Variants in ZBBX observed in about 807,000 individuals in gnomAD.
ZBBX encodes the protein zinc finger B-box domain containing.
In ZBBX, 101 loss-of-function variants were observed where a neutral mutation model predicts 108.5. That is an observed-to-expected ratio of 0.93 (90% CI 0.79 to 1.10). ZBBX has a LOEUF of 1.10. Among genes scored for constraint, ZBBX ranks in the 50% least tolerant of loss-of-function variants. The pLI, the probability that ZBBX is intolerant of heterozygous loss-of-function variation, is 0.00. For synonymous variants in ZBBX, 356 were observed against 323.4 expected (o/e 1.10, Z -1.08); for missense variants, 1,009 against 941.4 (o/e 1.07, Z -0.94).
chr3:167,385,918 A>G (rs763526921), intron 1 of ZBBX, among the ~76,000 whole-genome samples: 18 of 152,092 alleles, frequency 1.2e-4, no homozygotes, highest in Non-Finnish European at 2.2e-4. Context: ...ATGGTGGACA[A>G]CAATAATCTG....
chr3:167,389,805 C>A (rs1452002773), intron 1 of ZBBX, among the ~76,000 whole-genome samples: 1 of 136,142 alleles, frequency 7.3e-6, no homozygotes, highest in Non-Finnish European at 1.6e-5. Context: ...TATCCTTCAC[C>A]CACTTTTTGA....
intron 1 of ZBBX, among the ~76,000 whole-genome samples, chr3:167,395,053 A>G (rs1748187125): frequency 6.6e-6 from 1 of 151,988 alleles, no homozygotes; most frequent in African/African-American, 2.4e-5. Context: ...ACTCTAATAC[A>G]CTTATCCTCT....
Position 167,364,321 on chromosome 3 carries a change from A to G in ZBBX, c.273+1565T>C, listed in dbSNP as rs145764212. Among the ~76,000 whole-genome samples the G allele has an allele frequency of 4.6e-3, 704 of 152,170 alleles. 3 individuals are homozygous for G. The highest frequency in any genetic ancestry group is 0.02 in the Middle Eastern group (6 of 294). On this transcript the variant is annotated intron_variant, in intron 6 of 21. Coordinates refer to ENST00000675490, the MANE Select transcript of ZBBX (RefSeq NM_001199201.2). The stretch of plus-strand genomic sequence containing the variant: ...GCCCCCTTCAGAAACACTAGTCTAA[A>G]TAGATACTCAAAACTTTTTTCACTA...
the ZBBX span, among the ~76,000 whole-genome samples, chr3:167,214,430 C>T: frequency 1.3e-5 from 2 of 152,126 alleles, no homozygotes; most frequent in Admixed American, 6.6e-5. Context: ...CTCAATTCAA[C>T]AAGACCTAAC....
At chr3:167,243,744 T>C (rs1393229497) in intron 20 of ZBBX, among the ~76,000 whole-genome samples, 2 of 132,664 alleles carry the variant, frequency 1.5e-5, no homozygotes, top group Non-Finnish European at 3.1e-5. Flanking sequence ...TACAGTGGAC[T>C]TGACTTTTTT....
intron 20 of ZBBX, among the ~76,000 whole-genome samples, chr3:167,256,902 T>A (rs574779836): frequency 8.5e-5 from 13 of 152,256 alleles, no homozygotes; most frequent in African/African-American, 3.1e-4. Flanking sequence ...CTTCTGAATC[T>A]TAGCTATTGT....
At position 167,305,628 on chromosome 3, in the gene ZBBX, A is replaced by G; in HGVS notation, c.1725+15T>C. On this transcript the variant is annotated intron_variant, in intron 17 of 21. Coordinates refer to ENST00000675490, the MANE Select transcript of ZBBX (RefSeq NM_001199201.2). ...CTTATAAAATTTTAATATAATAAACATAATAGAGATTTACCAGTGATGACT... is the reference window on the plus strand; with the variant it reads ...CTTATAAAATTTTAATATAATAAACGTAATAGAGATTTACCAGTGATGACT... 6.6e-7 allele frequency: 1 copy of G among 1,505,534 alleles called. No individual in the cohort carries two copies. The highest frequency in any genetic ancestry group is 8.9e-7 in the Non-Finnish European group (1 of 1,129,698). 93.3% of individuals were successfully genotyped at this position (1,505,534 alleles called of 1,614,324 possible).
At chr3:167,283,740 G>A (rs1449297039) in intron 19 of ZBBX, among the ~76,000 whole-genome samples, 2 of 152,076 alleles carry the variant, frequency 1.3e-5, no homozygotes, top group Non-Finnish European at 2.9e-5. Context: ...TTGCCTCCCA[G>A]GTTCAAGCGA....
At chr3:167,307,915 A>G (rs1733941166) in intron 16 of ZBBX, among the ~76,000 whole-genome samples, 1 of 152,186 alleles carries the variant, frequency 6.6e-6, no homozygotes, top group African/African-American at 2.4e-5. Context: ...CAAAGATTTC[A>G]TGACAAAGAT....
chr3:167,178,651 T>C, the ZBBX span, among the ~76,000 whole-genome samples: 1 of 152,118 alleles, frequency 6.6e-6, no homozygotes. Context: ...GCTGATAAGG[T>C]CCTGGAGAAA....
At chr3:167,211,205 A>C in the ZBBX span, among the ~76,000 whole-genome samples, 1 of 152,202 alleles carries the variant, frequency 6.6e-6, no homozygotes, top group Non-Finnish European at 1.5e-5. Context: ...GAGTGCCTCC[A>C]GGAAACCACA....
chr3:167,390,229 C>T lies in ZBBX; in HGVS notation c.-445-9824G>A, dbSNP rs1748046334. Among the ~76,000 whole-genome samples the T allele has an allele frequency of 2.6e-5, 4 of 152,016 alleles. No individual in the cohort carries two copies. In the South Asian group the frequency reaches 8.3e-4, roughly 32 times the overall value. The stretch of plus-strand genomic sequence containing the variant: ...CATTTATTAAATAGGGAATTATTTC[C>T]CCATTGCTTGTTCTTGTCAGGTTTG... On this transcript the variant is annotated intron_variant, in intron 1 of 21. Transcript: ENST00000455345.
the ZBBX span, among the ~76,000 whole-genome samples, chr3:167,198,567 A>G: frequency 2.0e-4 from 30 of 152,184 alleles, no homozygotes; most frequent in Non-Finnish European, 3.8e-4. Context: ...TTTAAGCCAT[A>G]TAATAGTGAT....
rs13073265 is a variant in ZBBX at position 167,379,633 on chromosome 3, C to T, written c.-132+5G>A. ...ATAAAATATATATAACTGAACCTTACATACCTGAGTCCCTCTACTGCTGAT... is the reference window on the plus strand; with the variant it reads ...ATAAAATATATATAACTGAACCTTATATACCTGAGTCCCTCTACTGCTGAT... On this transcript the variant is annotated splice_donor_5th_base_variant and intron_variant, in intron 2 of 21. Coordinates refer to ENST00000675490, the MANE Select transcript of ZBBX (RefSeq NM_001199201.2). 0.1 allele frequency: 15,464 copies of T among 152,176 alleles called. 790 individuals are homozygous for T. The highest frequency in any genetic ancestry group is 0.13 in the African/African-American group (5,357 of 41,514). 9.4% of individuals were successfully genotyped at this position (152,176 alleles called of 1,614,324 possible).
At chr3:167,304,172 G>GTC (rs1195439271) in intron 17 of ZBBX, among the ~76,000 whole-genome samples, 4 of 152,024 alleles carry the variant, frequency 2.6e-5, no homozygotes, top group East Asian at 3.9e-4. Context: ...TAGAGATTGA[G>GTC]TCTCTCTCTC....
intron 8 of ZBBX, among the ~76,000 whole-genome samples, chr3:167,355,469 CA>C (rs765187323): frequency 3.3e-5 from 5 of 151,770 alleles, no homozygotes; most frequent in African/African-American, 9.7e-5. Flanking sequence ...TTCAAACTCC[CA>C]AAACACAAGC....
chr3:167,254,153 A>G (rs906204388), intron 20 of ZBBX, among the ~76,000 whole-genome samples: 2 of 152,184 alleles, frequency 1.3e-5, no homozygotes, highest in Non-Finnish European at 2.9e-5. Flanking sequence ...CTATGGTTAT[A>G]TAAGAGAAAG....
chr3:167,262,305 G>A (rs1724689386), intron 20 of ZBBX, among the ~76,000 whole-genome samples: 1 of 152,160 alleles, frequency 6.6e-6, no homozygotes, highest in South Asian at 2.1e-4. Context: ...AGTCCATCTG[G>A]AACTAAAATT....
chr3:167,302,841 G>C (rs1732964701), intron 17 of ZBBX, among the ~76,000 whole-genome samples: 1 of 152,196 alleles, frequency 6.6e-6, no homozygotes, highest in Non-Finnish European at 1.5e-5. Flanking sequence ...ACCCTGAGCT[G>C]TGTTACAGGA....
Sources: gnomAD v4.1 joint callset for allele counts (sites outside exome capture counted in the v4.1 genomes callset) on GRCh38, gnomAD v4.1.1 for gene constraint, MANE v1.5 for transcripts, NCBI Gene and HGNC (gene_info 2026-07-23, HGNC 2026-07-21) for gene names.